GPR39: variants seen among roughly 807,000 people sequenced by gnomAD.
The protein encoded by GPR39 is G protein-coupled receptor 39.
A neutral mutation model predicts 18.4 loss-of-function variants in GPR39; 23 were observed. That is an observed-to-expected ratio of 1.25 (90% CI 0.90 to 1.77). The LOEUF (loss-of-function observed/expected upper bound fraction) is 1.77. Ranked by LOEUF, GPR39 falls within the 40% of genes most tolerant of loss-of-function variation. The pLI is 0.00. For missense variants in GPR39, 647 were observed against 602.4 expected (o/e 1.07, Z -0.78); for synonymous variants, 280 against 257.9 (o/e 1.09, Z -0.82).
intron 1 of GPR39, among the ~76,000 whole-genome samples, chr2:132,553,387 ATAGTG>A (rs1383733529): frequency 6.9e-6 from 1 of 145,562 alleles, no homozygotes; most frequent in Non-Finnish European, 1.5e-5. Context: ...GTGTATATAT[ATAGTG>A]TATATATACG....
chr2:132,417,357 C>G lies in GPR39; in HGVS notation c.315C>G (p.Thr105=), dbSNP rs1044819595. 1.2e-6 allele frequency: 2 copies of G among 1,614,204 alleles called. No homozygotes were observed. Among genetic ancestry groups the G allele is most frequent in the Non-Finnish European group, 1.7e-6 (2 of 1,180,026 alleles). Residue 105 remains threonine, a synonymous_variant, in exon 1 of 2, where the codon ACC becomes ACG. Transcript: ENST00000329321. ...ATCCCCTGACCACGTCCAGCTACAC[C>G]CTGTCCTGCAAGCTGCACACTTTCC... is the stretch of plus-strand genomic sequence containing the variant. ...IWNPLTTSSY[T]LSCKLHTFLF...
At chr2:132,595,026 TTCAC>T (rs1680911509) in intron 1 of GPR39, among the ~76,000 whole-genome samples, 1 of 152,152 alleles carries the variant, frequency 6.6e-6, no homozygotes, top group Non-Finnish European at 1.5e-5. Flanking sequence ...GAGACAGAGT[TTCAC>T]TCTTATTGCT....
rs1453617853 is a variant in GPR39, at chr2:132,585,957, T to G, written c.857-59144T>G. The stretch of plus-strand genomic sequence containing the variant: ...TCTCGAAGCATCCCCGGTTTTTTTT[T>G]TTTTTTTTTTTTTTTAATGCCCCAC... On this transcript the variant is annotated intron_variant, in intron 1 of 1. Coordinates refer to ENST00000329321, the MANE Select transcript of GPR39 (RefSeq NM_001508.3). Among the ~76,000 whole-genome samples, 8 of 138,516 alleles carry G rather than the reference T, an allele frequency of 5.8e-5. 1 individual carries two copies. The highest frequency in any genetic ancestry group is 2.8e-4 in the Admixed American group (4 of 14,114). The allele number at this position is 138,516 out of a possible 152,430, so 90.9% of individuals were successfully genotyped here.
In GPR39 at chr2:132,541,605, G is replaced by T. The variant is rs116681528; in HGVS notation, c.857-103496G>T. ...CTGTGGACTGAAAACCCAGGAAGCA[G>T]GGGAAAGAGAAGTGTGTGTAACCCA... On this transcript the variant is annotated intron_variant, in intron 1 of 1. Transcript: ENST00000329321. Among the ~76,000 whole-genome samples, 1,428 of 152,330 alleles carry T rather than the reference G, an allele frequency of 9.4e-3. 22 individuals are homozygous for T. Among genetic ancestry groups the T allele is most frequent in the African/African-American group, 0.033 (1,362 of 41,580 alleles).
chr2:132,460,692 A>T (rs1268532046), intron 1 of GPR39, among the ~76,000 whole-genome samples: 3 of 151,490 alleles, frequency 2.0e-5, no homozygotes, highest in Admixed American at 6.6e-5. Context: ...GGATTTGAAG[A>T]CTCTGCCAAC....
At chr2:132,469,920 C>A (rs151064547) in intron 1 of GPR39, among the ~76,000 whole-genome samples, 1 of 152,178 alleles carries the variant, frequency 6.6e-6, no homozygotes, top group Non-Finnish European at 1.5e-5. Flanking sequence ...GAAACTGTTA[C>A]GGCAAAGTTG....
At chr2:132,559,655 G>A (rs185567659) in intron 1 of GPR39, among the ~76,000 whole-genome samples, 6 of 151,964 alleles carry the variant, frequency 3.9e-5, no homozygotes, top group Admixed American at 2.0e-4. Flanking sequence ...AAGAGGAGTC[G>A]AATTGGCTAG....
At chr2:132,603,513 A>T (rs560459311) in intron 1 of GPR39, among the ~76,000 whole-genome samples, 4 of 152,032 alleles carry the variant, frequency 2.6e-5, no homozygotes, top group Non-Finnish European at 4.4e-5. Flanking sequence ...AAGCTGGAAG[A>T]GTGGATTTGG....
At chr2:132,643,982 G>A (rs1018398338) in intron 1 of GPR39, among the ~76,000 whole-genome samples, 4 of 152,186 alleles carry the variant, frequency 2.6e-5, no homozygotes, top group African/African-American at 9.6e-5. Context: ...TTCTGAAAAT[G>A]CAAATCCTGC....
At chr2:132,522,148 C>T (rs1353666099) in intron 1 of GPR39, among the ~76,000 whole-genome samples, 2 of 152,210 alleles carry the variant, frequency 1.3e-5, no homozygotes, top group Non-Finnish European at 2.9e-5. Context: ...CCATCCTTAG[C>T]CTTCCGGTCA....
intron 1 of GPR39, among the ~76,000 whole-genome samples, chr2:132,535,695 C>CTTTTTTTTTT (rs753801511): frequency 2.7e-4 from 26 of 96,534 alleles, no homozygotes; most frequent in Admixed American, 1.8e-3. Context: ...TGGTCCTGGG[C>CTTTTTTTTTT]TTTTTTTTTT....
intron 1 of GPR39, among the ~76,000 whole-genome samples, chr2:132,582,915 C>CTTTT (rs5834320): frequency 3.5e-3 from 352 of 101,298 alleles, no homozygotes; most frequent in Non-Finnish European, 4.6e-3. Context: ...TTCTTTCTTT[C>CTTTT]TTTTTTTTTT....
intron 1 of GPR39, among the ~76,000 whole-genome samples, chr2:132,556,290 G>A (rs910725318): frequency 6.6e-6 from 1 of 152,126 alleles, no homozygotes. Context: ...TGGTATGCTG[G>A]CAAACTGGCT....
intron 1 of GPR39, among the ~76,000 whole-genome samples, chr2:132,557,440 C>T (rs769497069): frequency 3.3e-5 from 5 of 152,186 alleles, no homozygotes; most frequent in Non-Finnish European, 7.3e-5. Context: ...AATTCTTTCT[C>T]TTGCAGAAAA....
chr2:132,494,409 TG>T (rs995164668), intron 1 of GPR39, among the ~76,000 whole-genome samples: 1 of 152,200 alleles, frequency 6.6e-6, no homozygotes, highest in African/African-American at 2.4e-5. Context: ...TTGTTCCTTC[TG>T]TTTTCTCATC....
intron 1 of GPR39, among the ~76,000 whole-genome samples, chr2:132,613,338 T>C (rs908788654): frequency 7.2e-5 from 11 of 152,218 alleles, no homozygotes; most frequent in Admixed American, 6.5e-5. Context: ...TTGGGCATGA[T>C]TTTTTATGTG....
rs967265854 is a variant in GPR39 at position 132,552,670 on chromosome 2, T to A, written c.857-92431T>A. 6.6e-5 allele frequency among the ~76,000 whole-genome samples: 10 copies of A among 152,036 alleles called. No individual in the cohort carries two copies. In the East Asian group the frequency reaches 1.9e-3, roughly 29 times the overall value. On this transcript the variant is annotated intron_variant, in intron 1 of 1. Transcript: ENST00000329321. ...TGCTATACCATTTTATATCTGGAAG[T>A]TCGGCATCCTTGAATTTTGTAAATA...
chr2:132,573,545 T>C (rs1460257770), intron 1 of GPR39, among the ~76,000 whole-genome samples: 1 of 152,112 alleles, frequency 6.6e-6, no homozygotes, highest in Non-Finnish European at 1.5e-5. Flanking sequence ...CAGAACCACT[T>C]GCCACTTTCC....
intron 1 of GPR39, among the ~76,000 whole-genome samples, chr2:132,545,252 T>C (rs3115026): frequency 0.082 from 12,546 of 152,240 alleles, 984 homozygotes; most frequent in African/African-American, 0.21. Context: ...AGGTTCTACC[T>C]CAGAGTCACT....
Sources: allele counts gnomAD v4.1 joint callset (sites outside exome capture counted in the v4.1 genomes callset), GRCh38; gene constraint gnomAD v4.1.1; transcripts MANE v1.5; gene names NCBI Gene and HGNC (gene_info 2026-07-23, HGNC 2026-07-21).